The following SNTG2 variants were observed in gnomAD, a reference collection of about 807,000 sequenced individuals.
SNTG2 encodes gamma-2-syntrophin.
A neutral mutation model predicts 70.9 loss-of-function variants in SNTG2; 74 were observed. The ratio of observed to expected loss-of-function variants is 1.04; its 90% CI spans 0.86 to 1.27. The LOEUF (loss-of-function observed/expected upper bound fraction) is 1.27. Among genes scored for constraint, SNTG2 ranks in the 50% most tolerant of loss-of-function variants. SNTG2 has a pLI of 0.00. For missense variants in SNTG2, 717 were observed against 690.7 expected, an observed-to-expected ratio of 1.04 and a Z score of -0.43; for synonymous variants, 278 against 273.8, an observed-to-expected ratio of 1.02 and a Z score of -0.15.
At chr2:1,222,575 GGC>G (rs1675377020) in intron 9 of SNTG2, among the ~76,000 whole-genome samples, 2 of 16,206 alleles carry the variant, frequency 1.2e-4, no homozygotes, top group Non-Finnish European at 2.6e-4. Flanking sequence ...AGTGATGGAG[GGC>G]GTCTCCCTGT....
intron 4 of SNTG2, among the ~76,000 whole-genome samples, chr2:1,130,887 A>G (rs906638396): frequency 6.6e-6 from 1 of 152,230 alleles, no homozygotes; most frequent in Non-Finnish European, 1.5e-5. Context: ...TTAGAGTTTC[A>G]TTCGCCGCAG....
At chr2:1,312,017 C>G (rs1367293664) in intron 15 of SNTG2, among the ~76,000 whole-genome samples, 1 of 151,984 alleles carries the variant, frequency 6.6e-6, no homozygotes, top group Non-Finnish European at 1.5e-5. Context: ...TCTTGATTGC[C>G]CACTTCTGCT....
intron 14 of SNTG2, among the ~76,000 whole-genome samples, chr2:1,271,872 C>T (rs1018715405): frequency 6.6e-6 from 1 of 152,146 alleles, no homozygotes; most frequent in Non-Finnish European, 1.5e-5. Flanking sequence ...TAATTGGCTT[C>T]TCATCAAGGG....
intron 16 of SNTG2, among the ~76,000 whole-genome samples, chr2:1,363,489 T>C (rs2148323364): frequency 6.6e-6 from 1 of 152,236 alleles, no homozygotes. Flanking sequence ...TAACCCAACA[T>C]ATTGGACTGT....
intron 8 of SNTG2, among the ~76,000 whole-genome samples, chr2:1,195,179 A>G (rs1252844502): frequency 2.0e-5 from 3 of 152,226 alleles, no homozygotes; most frequent in Non-Finnish European, 4.4e-5. Flanking sequence ...ACAGTTCCAC[A>G]ATAAACATGT....
intron 6 of SNTG2, among the ~76,000 whole-genome samples, chr2:1,147,123 AT>A (rs1195979989): frequency 1.3e-5 from 2 of 152,200 alleles, no homozygotes; most frequent in African/African-American, 4.8e-5. Context: ...TAGTTGTATT[AT>A]GTTAGGTATA....
chr2:1,155,037 AC>A (rs1669775861), intron 6 of SNTG2, among the ~76,000 whole-genome samples: 1 of 151,712 alleles, frequency 6.6e-6, no homozygotes, highest in Admixed American at 6.6e-5. Context: ...CACATACCAC[AC>A]ATACACACCA....
intron 1 of SNTG2, among the ~76,000 whole-genome samples, chr2:1,038,236 C>T (rs1187318287): frequency 2.6e-5 from 4 of 152,152 alleles, no homozygotes; most frequent in African/African-American, 7.2e-5. Context: ...GAACTGCTGT[C>T]AGTATTCAAT....
At chr2:1,264,796 A>G (rs1678633712) in intron 13 of SNTG2, among the ~76,000 whole-genome samples, 1 of 152,210 alleles carries the variant, frequency 6.6e-6, no homozygotes, top group Non-Finnish European at 1.5e-5. Flanking sequence ...CCTGGGCTCC[A>G]GTGATGCCCC....
chr2:1,120,101 TACA>T (rs1383957884), intron 4 of SNTG2, among the ~76,000 whole-genome samples: 1 of 152,090 alleles, frequency 6.6e-6, no homozygotes, highest in East Asian at 1.9e-4. Flanking sequence ...CCTTGAATAT[TACA>T]ACAAGAAAAT....
intron 11 of SNTG2, among the ~76,000 whole-genome samples, chr2:1,243,313 C>T (rs559966221): frequency 1.2e-4 from 18 of 152,308 alleles, no homozygotes; most frequent in African/African-American, 4.1e-4. Flanking sequence ...AAAGAGCAAG[C>T]AGCCCTGGGG....
chr2:1,169,050 C>T (rs373056084), intron 7 of SNTG2, among the ~76,000 whole-genome samples: 17 of 152,082 alleles, frequency 1.1e-4, no homozygotes, highest in African/African-American at 1.4e-4. Context: ...AGGTGTCAGA[C>T]GCACATCAGG....
chr2:1,366,501 T>C (rs2148327310), intron 16 of SNTG2, among the ~76,000 whole-genome samples: 1 of 152,306 alleles, frequency 6.6e-6, no homozygotes, highest in South Asian at 2.1e-4. Context: ...ACAGGACATT[T>C]AGTGTCTGTA....
chr2:1,036,564 A>G (rs752141348), intron 1 of SNTG2, among the ~76,000 whole-genome samples: 37 of 152,194 alleles, frequency 2.4e-4, no homozygotes, highest in Admixed American at 6.5e-4. Flanking sequence ...ATTTGATTCT[A>G]TGTTTCTATG....
chr2:986,967 C>T (rs944374416), intron 1 of SNTG2, among the ~76,000 whole-genome samples: 1 of 152,144 alleles, frequency 6.6e-6, no homozygotes, highest in African/African-American at 2.4e-5. Context: ...ATTCGATTAT[C>T]GTTATATATG....
In SNTG2 at chr2:1,106,284, T is replaced by C. The variant is rs369105734; in HGVS notation, c.325+7874T>C. Among the ~76,000 whole-genome samples the C allele has an allele frequency of 3.9e-3, 141 of 36,018 alleles. 2 individuals are homozygous for C. Among genetic ancestry groups the C allele is most frequent in the African/African-American group, 8.9e-3 (74 of 8,304 alleles). The allele number at this position is 36,018 out of a possible 152,430, so 23.6% of individuals were successfully genotyped here. A position where few individuals can be genotyped will look rare whatever the true frequency, so the allele number is the denominator to read the frequency against. ...GAGAGCTCCTTGGTAATAGTGGATG[T>C]GTGCTGTCACTCGGGTGCAGGGTAT... On this transcript the variant is annotated intron_variant, in intron 4 of 16. Transcript: ENST00000308624.
intron 1 of SNTG2, among the ~76,000 whole-genome samples, chr2:1,067,165 T>A (rs1263403343): frequency 1.3e-5 from 2 of 149,716 alleles, no homozygotes; most frequent in African/African-American, 4.9e-5. Flanking sequence ...AAATGCGCAC[T>A]AAAATGTTGT....
At chr2:1,166,348 C>T (rs1393377802) in intron 7 of SNTG2, among the ~76,000 whole-genome samples, 2 of 152,144 alleles carry the variant, frequency 1.3e-5, no homozygotes, top group African/African-American at 2.4e-5. Context: ...GAATGAGGAC[C>T]TCCCGCTGAG....
chr2:1,154,956 C>CCACA (rs140078047), intron 6 of SNTG2, among the ~76,000 whole-genome samples: 107,339 of 146,852 alleles, frequency 0.73, 39,580 homozygotes, highest in Middle Eastern at 0.88. Flanking sequence ...TAAACTCACA[C>CCACA]CACACACAAA....
Sources: allele counts gnomAD v4.1 joint callset (sites outside exome capture counted in the v4.1 genomes callset), GRCh38; gene constraint gnomAD v4.1.1; transcripts MANE v1.5; gene names NCBI Gene and HGNC (gene_info 2026-07-23, HGNC 2026-07-21).